Variants in SFMBT1 observed in about 807,000 individuals in gnomAD.
SFMBT1 encodes scm-like with four MBT domains protein 1.
SFMBT1 carries 32 observed loss-of-function variants against 108.7 expected under a neutral mutation model. The observed-to-expected ratio is 0.29, with a 90% CI of 0.22 to 0.40. SFMBT1 has a LOEUF of 0.40. SFMBT1 is among the 10% of genes least tolerant of loss of function. The pLI is 1.00. For synonymous variants in SFMBT1, 348 were observed against 369.5 expected (o/e 0.94, Z 0.67); for missense variants, 816 against 1,059.6 (o/e 0.77, Z 3.19).
chr3:52,947,610 T>G (rs1328304119), intron 3 of SFMBT1, among the ~76,000 whole-genome samples: 1 of 152,208 alleles, frequency 6.6e-6, no homozygotes, highest in African/African-American at 2.4e-5. Flanking sequence ...CTTTGACAGT[T>G]GTGTTGCAAA....
At chr3:52,921,677 G>A (rs1399496768) in intron 11 of SFMBT1, 28 bp downstream of exon 11, 2 of 1,607,836 alleles carry the variant, frequency 1.2e-6, no homozygotes, top group African/African-American at 2.7e-5. Context: ...AGTGGCCACA[G>A]GAAGGCTTCT....
chr3:52,980,655 TA>T (rs34854186), intron 1 of SFMBT1, among the ~76,000 whole-genome samples: 3,145 of 125,060 alleles, frequency 0.025, 34 homozygotes, highest in African/African-American at 0.046. Context: ...GACCATTGTT[TA>T]AAAAAAAAAA....
rs191843910 is a variant in SFMBT1 at position 52,973,347 on chromosome 3, G to T, written c.-130-4089C>A. 4.7e-4 allele frequency among the ~76,000 whole-genome samples: 71 copies of T among 152,056 alleles called. 1 individual carries two copies. Among genetic ancestry groups the T allele is most frequent in the African/African-American group, 1.7e-3 (70 of 41,480 alleles). On this transcript the variant is annotated intron_variant, in intron 1 of 20. Coordinates refer to ENST00000394752, the MANE Select transcript of SFMBT1 (RefSeq NM_016329.4). ...AATAGGTGCCTAGATATTTGGAGGG[G>T]GTTCTAAGAAAATATACTGAAGCTT...
chr3:53,045,702 CAA>C (rs1277945886), intron 1 of SFMBT1, 112 bp downstream of exon 1: 1 of 141,278 alleles, frequency 7.1e-6, no homozygotes, highest in Non-Finnish European at 1.6e-5. Flanking sequence ...TTCCCGTTGG[CAA>C]AGTTGCGCGG....
intron 2 of SFMBT1, among the ~76,000 whole-genome samples, chr3:52,966,307 G>A (rs1353215153): frequency 7.5e-6 from 1 of 134,074 alleles, no homozygotes; most frequent in Admixed American, 8.0e-5. Flanking sequence ...GGGCGACAGA[G>A]CAAGACTCCC....
At position 52,907,210 on chromosome 3, in the gene SFMBT1, T is replaced by G. The variant is rs755661376; in HGVS notation, c.2190A>C (p.Glu730Asp). The change falls in exon 19 of 21, where the codon GAA becomes GAC. Residue 730 changes from glutamate (E) to aspartate (D), a missense_variant. By Grantham distance (45) the Glu-to-Asp change is conservative. This residue lies in a region of SFMBT1 where 177 missense variants were observed against 182.0 expected (regional missense o/e 0.97). Coordinates refer to ENST00000394752, the MANE Select transcript of SFMBT1 (RefSeq NM_016329.4). ...AGGAGCATGACTTTTTTTCTGACAT[T>G]TCTGATTCTTCCTGTAGCTCATCCT... ...EQQDELQEESEMSEKKSCSSS... is the reference protein window; with the variant it reads ...EQQDELQEESDMSEKKSCSSS... 6.2e-7 allele frequency: 1 copy of G among 1,614,070 alleles called. No individual in the cohort carries two copies. Among genetic ancestry groups the G allele is most frequent in the Admixed American group, 1.7e-5 (1 of 60,004 alleles).
intron 10 of SFMBT1, among the ~76,000 whole-genome samples, chr3:52,923,891 G>C (rs1702584023): frequency 6.6e-6 from 1 of 152,156 alleles, no homozygotes; most frequent in African/African-American, 2.4e-5. Flanking sequence ...TGCCCACTGA[G>C]AACCTAGCAC....
intron 1 of SFMBT1, among the ~76,000 whole-genome samples, chr3:53,033,451 G>A (rs1215079818): frequency 3.3e-5 from 5 of 152,034 alleles, no homozygotes; most frequent in South Asian, 2.1e-4. Flanking sequence ...GTGAGCCGCC[G>A]CGCCCGGCCC....
intron 3 of SFMBT1, among the ~76,000 whole-genome samples, chr3:52,952,523 T>G (rs1260810302): frequency 6.6e-6 from 1 of 152,122 alleles, no homozygotes; most frequent in East Asian, 1.9e-4. Context: ...CCAAAATATC[T>G]TAGGCTGGAA....
At chr3:53,020,134 A>T (rs55796351) in intron 1 of SFMBT1, among the ~76,000 whole-genome samples, 42,794 of 151,812 alleles carry the variant, frequency 0.28, 6,690 homozygotes, top group Middle Eastern at 0.42. Flanking sequence ...GCGTGATGTA[A>T]TCCCAGCACT....
At chr3:53,040,845 A>G (rs1700019516) in intron 1 of SFMBT1, among the ~76,000 whole-genome samples, 2 of 151,136 alleles carry the variant, frequency 1.3e-5, no homozygotes, top group South Asian at 4.2e-4. Context: ...GGGTCTCGCT[A>G]TGTCACCAGG....
chr3:52,945,227 A>C (rs1703328663), intron 3 of SFMBT1, among the ~76,000 whole-genome samples: 3 of 151,526 alleles, frequency 2.0e-5, no homozygotes, highest in Non-Finnish European at 4.4e-5. Context: ...ATATCTTGTG[A>C]TGCCAGAAAG....
At chr3:52,940,058 CT>C (rs1490392147) in intron 4 of SFMBT1, among the ~76,000 whole-genome samples, 1 of 152,068 alleles carries the variant, frequency 6.6e-6, no homozygotes, top group Non-Finnish European at 1.5e-5. Context: ...TCTTTTTTCA[CT>C]GTAATAATCT....
intron 1 of SFMBT1, among the ~76,000 whole-genome samples, chr3:53,036,665 C>A (rs1559558607): frequency 6.6e-6 from 1 of 152,206 alleles, no homozygotes; most frequent in East Asian, 1.9e-4. Flanking sequence ...AGGAGCTAGA[C>A]AAACTCTAAA....
At chr3:53,031,797 A>G (rs755244572) in intron 1 of SFMBT1, among the ~76,000 whole-genome samples, 2 of 152,242 alleles carry the variant, frequency 1.3e-5, no homozygotes, top group Middle Eastern at 3.2e-3. Context: ...GCATTGGTGT[A>G]TAGTTTATCT....
chr3:52,949,565 C>CTT (rs1255408427), intron 3 of SFMBT1, among the ~76,000 whole-genome samples: 1 of 119,204 alleles, frequency 8.4e-6, no homozygotes, highest in South Asian at 2.9e-4. Context: ...ATGTAATGTC[C>CTT]TTCTTTTTTT....
intron 1 of SFMBT1, among the ~76,000 whole-genome samples, chr3:52,998,971 G>A (rs1258102689): frequency 2.0e-5 from 3 of 150,804 alleles, no homozygotes; most frequent in Admixed American, 1.3e-4. Context: ...CAGCTGGTGC[G>A]CGAGCTGGGT....
intron 1 of SFMBT1, among the ~76,000 whole-genome samples, chr3:52,978,746 A>G (rs1485401034): frequency 6.6e-6 from 1 of 152,232 alleles, no homozygotes; most frequent in East Asian, 1.9e-4. Context: ...GTAAAATGTA[A>G]TATATCTAAT....
chr3:52,909,483 T>C (rs541939912), intron 17 of SFMBT1, among the ~76,000 whole-genome samples: 4 of 152,304 alleles, frequency 2.6e-5, no homozygotes, highest in African/African-American at 9.6e-5. Context: ...AGAAAGCTCG[T>C]CATACTAAGT....
Sources: gnomAD v4.1 joint callset for allele counts (sites outside exome capture counted in the v4.1 genomes callset) on GRCh38, gnomAD v4.1.1 for gene constraint, gnomAD v4.1.1 regional missense constraint, MANE v1.5 for transcripts, NCBI Gene and HGNC (gene_info 2026-07-23, HGNC 2026-07-21) for gene names.